The following TGFBR1 variants were observed in gnomAD, a reference collection of about 807,000 sequenced individuals.
The protein encoded by TGFBR1 is transforming growth factor beta receptor 1.
A neutral mutation model predicts 55.1 loss-of-function variants in TGFBR1; 20 were observed. The observed-to-expected ratio is 0.36, with a 90% CI of 0.26 to 0.53. The LOEUF (loss-of-function observed/expected upper bound fraction) is 0.53, where lower values mean the gene tolerates loss of function less well. TGFBR1 is among the 20% of genes least tolerant of loss of function. The pLI is 0.91. For missense variants in TGFBR1, 385 were observed against 617.6 expected, an observed-to-expected ratio of 0.62 and a Z score of 3.99; for synonymous variants, 220 against 214.8, an observed-to-expected ratio of 1.02 and a Z score of -0.21.
At position 99,150,280 on chromosome 9, in the gene TGFBR1, C is replaced by A. The variant is rs1029902663; in HGVS notation, c.*975C>A. On this transcript the variant is annotated 3_prime_UTR_variant, in exon 9 of 9. Transcript: ENST00000374994. ...TACTTTTAAAAAATCAAGTGGCACTCTAGATGCTTATAGTACTTTAATATT... is the reference window on the plus strand; with the variant it reads ...TACTTTTAAAAAATCAAGTGGCACTATAGATGCTTATAGTACTTTAATATT... The A allele has an allele frequency of 2.0e-5, 4 of 196,028 alleles. No homozygotes were observed. The highest frequency in any genetic ancestry group is 3.2e-5 in the Non-Finnish European group (3 of 94,158). The allele number at this position is 196,028 out of a possible 1,614,324, so 12.1% of individuals were successfully genotyped here. A position where few individuals can be genotyped will look rare whatever the true frequency, so the allele number is the denominator to read the frequency against.
chr9:99,129,564 T>C (rs1827152516), intron 2 of TGFBR1, among the ~76,000 whole-genome samples: 1 of 152,212 alleles, frequency 6.6e-6, no homozygotes, highest in South Asian at 2.1e-4. Context: ...TAATTATACA[T>C]GATTTCTAGA....
At chr9:99,141,913 G>A (rs188115230) in intron 4 of TGFBR1, among the ~76,000 whole-genome samples, 1 of 152,282 alleles carries the variant, frequency 6.6e-6, no homozygotes, top group African/African-American at 2.4e-5. Flanking sequence ...TGACATTTCA[G>A]TTCCTATTTC....
intron 1 of TGFBR1, among the ~76,000 whole-genome samples, chr9:99,110,451 G>T (rs1826534894): frequency 6.6e-6 from 1 of 151,290 alleles, no homozygotes. Flanking sequence ...TTACTTATTT[G>T]CTGCTTAATT....
At chr9:99,106,699 C>CAT (rs199839635) in intron 1 of TGFBR1, among the ~76,000 whole-genome samples, 61 of 151,848 alleles carry the variant, frequency 4.0e-4, no homozygotes, top group South Asian at 3.3e-3. Flanking sequence ...ACCTGTATGT[C>CAT]ATATATATAT....
intron 5 of TGFBR1, 108 bp downstream of exon 5, chr9:99,142,811 C>A: frequency 7.7e-7 from 1 of 1,300,844 alleles, no homozygotes; most frequent in Non-Finnish European, 1.1e-6. Flanking sequence ...ATAATCCCAG[C>A]ACTTTGGGAG....
intron 1 of TGFBR1, among the ~76,000 whole-genome samples, chr9:99,122,625 G>A (rs1163941817): frequency 6.6e-6 from 1 of 152,086 alleles, no homozygotes; most frequent in Non-Finnish European, 1.5e-5. Flanking sequence ...GGTACTAACT[G>A]TCACCATGCT....
At chr9:99,109,514 C>G (rs753570257) in intron 1 of TGFBR1, among the ~76,000 whole-genome samples, 8 of 152,198 alleles carry the variant, frequency 5.3e-5, no homozygotes, top group African/African-American at 1.9e-4. Context: ...TGAGCAGTTA[C>G]AGGGACTCAA....
intron 3 of TGFBR1, among the ~76,000 whole-genome samples, chr9:99,136,137 G>T (rs1159176801): frequency 6.6e-6 from 1 of 151,928 alleles, no homozygotes; most frequent in Admixed American, 6.5e-5. Flanking sequence ...TTAGAGGTGT[G>T]AGTCACTGTG....
chr9:99,138,175 T>A, intron 4 of TGFBR1, 86 bp downstream of exon 4: 1 of 1,168,506 alleles, frequency 8.6e-7, no homozygotes, highest in Non-Finnish European at 1.3e-6. Context: ...ATCATCAAAG[T>A]AGATGAGACA....
rs540251707 is a variant in TGFBR1, at chr9:99,112,259, G to C, written c.97+6957G>C. Among the ~76,000 whole-genome samples, 4 of 152,260 alleles carry C rather than the reference G, an allele frequency of 2.6e-5. No homozygotes were observed. The South Asian group carries it at 8.3e-4, about 32-fold the overall frequency. ...TGACATTTGAAACAAAGAAATCAGA[G>C]GAATTAGTAGTAGGGCCTGTGTGTG... is the stretch of plus-strand genomic sequence containing the variant. On this transcript the variant is annotated intron_variant, in intron 1 of 8. Coordinates refer to ENST00000374994, the MANE Select transcript of TGFBR1 (RefSeq NM_004612.4).
chr9:99,104,803 C>G (rs1472577365), upstream of TGFBR1, among the ~76,000 whole-genome samples: 1 of 152,138 alleles, frequency 6.6e-6, no homozygotes, highest in Non-Finnish European at 1.5e-5. Flanking sequence ...TCGCTCTACC[C>G]GGCCCTCCGG....
chr9:99,145,653 C>T (rs780180558), intron 6 of TGFBR1, among the ~76,000 whole-genome samples: 1 of 152,062 alleles, frequency 6.6e-6, no homozygotes, highest in Non-Finnish European at 1.5e-5. Flanking sequence ...GAGGAAACCA[C>T]CTTGAGGAGG....
rs1827984011 is a variant in TGFBR1 at position 99,151,746 on chromosome 9, A to T, written c.*2441A>T. Reference sequence around the variant, plus strand: ...ACTGCAGTTAATTCCTTTTTTGGCTAGGGATGGTTTGATAAACCACAATTG... The same window carrying T: ...ACTGCAGTTAATTCCTTTTTTGGCTTGGGATGGTTTGATAAACCACAATTG... On this transcript the variant is annotated 3_prime_UTR_variant, in exon 9 of 9. Coordinates refer to ENST00000374994, the MANE Select transcript of TGFBR1 (RefSeq NM_004612.4). The T allele has an allele frequency of 4.5e-6, 1 of 220,542 alleles. No individual in the cohort carries two copies. The highest frequency in any genetic ancestry group is 1.8e-4 in the South Asian group (1 of 5,432). 13.7% of individuals were successfully genotyped at this position (220,542 alleles called of 1,614,324 possible).
chr9:99,122,225 C>T (rs1001581903), intron 1 of TGFBR1, among the ~76,000 whole-genome samples: 4 of 152,000 alleles, frequency 2.6e-5, no homozygotes, highest in Admixed American at 2.0e-4. Flanking sequence ...AAAAAGACTA[C>T]GGGTAGGTTG....
intron 4 of TGFBR1, among the ~76,000 whole-genome samples, chr9:99,140,128 G>T (rs1827564742): frequency 6.6e-6 from 1 of 152,130 alleles, no homozygotes; most frequent in Admixed American, 6.5e-5. Context: ...ATTATCAGTG[G>T]CACCTGACAA....
Position 99,153,777 on chromosome 9 carries a change from T to C in TGFBR1, c.*4472T>C. 4.8e-6 allele frequency: 1 copy of C among 206,428 alleles called. No individual in the cohort carries two copies. Among genetic ancestry groups the C allele is most frequent in the East Asian group, 7.4e-5 (1 of 13,604 alleles). The allele number at this position is 206,428 out of a possible 1,614,324, so 12.8% of individuals were successfully genotyped here. A position where few individuals can be genotyped will look rare whatever the true frequency, so the allele number is the denominator to read the frequency against. On this transcript the variant is annotated 3_prime_UTR_variant, in exon 9 of 9. Coordinates refer to ENST00000374994, the MANE Select transcript of TGFBR1 (RefSeq NM_004612.4). ...TTAGAAGTTTTCTAACCCTGCCTAGTGCAAGTTACAATATTATAGCGTGTT... is the reference window on the plus strand; with the variant it reads ...TTAGAAGTTTTCTAACCCTGCCTAGCGCAAGTTACAATATTATAGCGTGTT...
chr9:99,146,399 G>A, intron 6 of TGFBR1, 86 bp from the exon 7 acceptor site: 1 of 1,449,782 alleles, frequency 6.9e-7, no homozygotes, highest in Non-Finnish European at 9.7e-7. Flanking sequence ...ATATGTCTAT[G>A]TATAAAGAAA....
intron 4 of TGFBR1, among the ~76,000 whole-genome samples, chr9:99,139,451 A>G (rs1827544219): frequency 6.6e-6 from 1 of 152,152 alleles, no homozygotes; most frequent in South Asian, 2.1e-4. Flanking sequence ...TCCAATATGT[A>G]GAAAAGCAGA....
At chr9:99,144,659 T>G (rs905086836) in intron 5 of TGFBR1, 73 bp from the exon 6 acceptor site, 15 of 1,589,266 alleles carry the variant, frequency 9.4e-6, no homozygotes, top group Admixed American at 6.7e-5. Context: ...GAGAAGAGAC[T>G]TTTGAACCTA....
Sources: gnomAD v4.1 joint callset for allele counts (sites outside exome capture counted in the v4.1 genomes callset) on GRCh38, gnomAD v4.1.1 for gene constraint, MANE v1.5 for transcripts, NCBI Gene and HGNC (gene_info 2026-07-23, HGNC 2026-07-21) for gene names.